Variants in PDK1 observed in about 807,000 individuals in gnomAD.
The protein encoded by PDK1 is [Pyruvate dehydrogenase (acetyl-transferring)] kinase isozyme 1, mitochondrial.
In PDK1, 39 loss-of-function variants were observed where a neutral mutation model predicts 54.2. That is an observed-to-expected ratio of 0.72 (90% CI 0.56 to 0.94). The LOEUF (loss-of-function observed/expected upper bound fraction) is 0.94, where lower values mean the gene tolerates loss of function less well. Ranked by LOEUF, PDK1 falls within the 40% of genes least tolerant of loss-of-function variation. The probability of loss-of-function intolerance (pLI) is 0.00; values close to 1 mark genes in which losing one functional copy is unlikely to be tolerated. For synonymous variants in PDK1, 221 were observed against 207.1 expected, an observed-to-expected ratio of 1.07 and a Z score of -0.58; for missense variants, 552 against 566.0, an observed-to-expected ratio of 0.98 and a Z score of 0.25.
intron 8 of PDK1, among the ~76,000 whole-genome samples, chr2:172,574,155 C>A (rs368442948): frequency 6.6e-6 from 1 of 152,138 alleles, no homozygotes; most frequent in African/African-American, 2.4e-5. Context: ...ATGTGGATAT[C>A]CAGTTGTCCC....
intron 8 of PDK1, among the ~76,000 whole-genome samples, chr2:172,580,866 C>T (rs574791081): frequency 6.6e-6 from 1 of 151,806 alleles, no homozygotes; most frequent in South Asian, 2.1e-4. Flanking sequence ...CAAAAGGCCA[C>T]ATATTATATG....
intron 3 of PDK1, 138 bp from the exon 4 acceptor site, chr2:172,564,365 A>G (rs577395133): frequency 3.2e-6 from 2 of 625,766 alleles, no homozygotes; most frequent in Admixed American, 5.7e-5. Flanking sequence ...ACATTTAAAT[A>G]AGTATAGGAA....
At chr2:172,622,394 C>G in the PDK1 span, among the ~76,000 whole-genome samples, 3 of 137,760 alleles carry the variant, frequency 2.2e-5, no homozygotes, top group Non-Finnish European at 4.6e-5. Context: ...ATGTTTATAT[C>G]ATATATTATG....
chr2:172,693,347 T>C, the PDK1 span, among the ~76,000 whole-genome samples: 1 of 152,222 alleles, frequency 6.6e-6, no homozygotes, highest in Non-Finnish European at 1.5e-5. Flanking sequence ...AGAATCTGCT[T>C]GAGTGGTATT....
chr2:172,708,084 T>C, the PDK1 span, among the ~76,000 whole-genome samples: 1 of 152,042 alleles, frequency 6.6e-6, no homozygotes, highest in African/African-American at 2.4e-5. Flanking sequence ...AGTAGATTGC[T>C]TGAGTCCAGG....
the PDK1 span, among the ~76,000 whole-genome samples, chr2:172,705,754 C>G: frequency 1.3e-5 from 2 of 152,230 alleles, no homozygotes; most frequent in East Asian, 3.8e-4. Flanking sequence ...CCATTACCCT[C>G]TGTTTGAAAA....
chr2:172,642,787 A>ACTCCTC, the PDK1 span, among the ~76,000 whole-genome samples: 32,770 of 143,834 alleles, frequency 0.23, 3,625 homozygotes, highest in Non-Finnish European at 0.26. Flanking sequence ...TCCTCCTCCC[A>ACTCCTC]CTCCTCCTCC....
intron 8 of PDK1, among the ~76,000 whole-genome samples, chr2:172,579,704 C>CTTTTTT (rs11303240): frequency 6.9e-6 from 1 of 145,494 alleles, no homozygotes; most frequent in Non-Finnish European, 1.5e-5. Flanking sequence ...GAGTTTTTAA[C>CTTTTTT]TTTTTTTTTT....
chr2:172,586,480 G>A (rs1690237327), intron 9 of PDK1, 92 bp downstream of exon 9: 2 of 704,602 alleles, frequency 2.8e-6, no homozygotes, highest in East Asian at 5.7e-5. Context: ...GTCATGTAGG[G>A]TACTCCACAA....
chr2:172,572,519 G>GT (rs1254469493), intron 8 of PDK1, among the ~76,000 whole-genome samples: 2 of 152,122 alleles, frequency 1.3e-5, no homozygotes, highest in Non-Finnish European at 2.9e-5. Flanking sequence ...GAGGTAAGGC[G>GT]TTTAAGACCA....
chr2:172,581,051 T>A (rs1689876120), intron 8 of PDK1, among the ~76,000 whole-genome samples: 1 of 151,836 alleles, frequency 6.6e-6, no homozygotes, highest in East Asian at 1.9e-4. Flanking sequence ...TTAAAAACCA[T>A]TCAATTATAT....
chr2:172,714,220 A>C, the PDK1 span, among the ~76,000 whole-genome samples: 1 of 152,222 alleles, frequency 6.6e-6, no homozygotes, highest in Non-Finnish European at 1.5e-5. Context: ...AAAAGATATA[A>C]ATATTGACAC....
downstream of PDK1, among the ~76,000 whole-genome samples, chr2:172,613,374 G>C (rs1217607602): frequency 1.3e-5 from 2 of 152,228 alleles, no homozygotes; most frequent in East Asian, 3.8e-4. Flanking sequence ...GGGAAATTGA[G>C]CAGTACGCTC....
In PDK1 at chr2:172,608,373, A is replaced by G. The variant is rs2149327287; in HGVS notation, c.*12404A>G. On this transcript the variant is annotated 3_prime_UTR_variant, in exon 11 of 11. Coordinates refer to ENST00000282077, the MANE Select transcript of PDK1 (RefSeq NM_002610.5). ...TAGCTAGTTTACTCTTCCACCCCCA[A>G]GATTCTGGGGTATTTTGGCTAATGT... The G allele has an allele frequency of 6.6e-6, 1 of 152,288 alleles. No homozygotes were observed. Among genetic ancestry groups the G allele is most frequent in the Middle Eastern group, 3.4e-3 (1 of 294 alleles). 9.4% of individuals were successfully genotyped at this position (152,288 alleles called of 1,614,324 possible).
chr2:172,711,400 C>T, the PDK1 span, among the ~76,000 whole-genome samples: 2 of 152,172 alleles, frequency 1.3e-5, no homozygotes, highest in African/African-American at 4.8e-5. Flanking sequence ...CAGTTTAGTA[C>T]AAGCAGTTTA....
At chr2:172,698,122 G>A in the PDK1 span, among the ~76,000 whole-genome samples, 2 of 152,162 alleles carry the variant, frequency 1.3e-5, no homozygotes, top group East Asian at 1.9e-4. Flanking sequence ...CCTAGAGGGC[G>A]AGATGAAATA....
In PDK1 at chr2:172,602,581, G is replaced by T. The variant is rs1350315445; in HGVS notation, c.*6612G>T. On this transcript the variant is annotated 3_prime_UTR_variant, in exon 11 of 11. Transcript: ENST00000282077. ...AAATTTGTTGAGTAATACGTCCAAG[G>T]CGTCACCATTTGCCAGGCGTTGCAA... 1 of 152,158 alleles carries T rather than the reference G, an allele frequency of 6.6e-6. No individual in the cohort carries two copies. The highest frequency in any genetic ancestry group is 1.5e-5 in the Non-Finnish European group (1 of 68,030). 9.4% of individuals were successfully genotyped at this position (152,158 alleles called of 1,614,324 possible).
chr2:172,619,292 C>G, the PDK1 span, among the ~76,000 whole-genome samples: 1 of 152,132 alleles, frequency 6.6e-6, no homozygotes, highest in Non-Finnish European at 1.5e-5. Flanking sequence ...CAGGGATGCC[C>G]ACATTCTCTC....
chr2:172,695,662 C>T, the PDK1 span, among the ~76,000 whole-genome samples: 1 of 152,286 alleles, frequency 6.6e-6, no homozygotes, highest in African/African-American at 2.4e-5. Context: ...CTCCATCTTA[C>T]TAGGAGACTG....
Sources: gnomAD v4.1 joint callset for allele counts (sites outside exome capture counted in the v4.1 genomes callset) on GRCh38, gnomAD v4.1.1 for gene constraint, MANE v1.5 for transcripts, NCBI Gene and HGNC (gene_info 2026-07-23, HGNC 2026-07-21) for gene names.